The following DNAH8 variants were observed in gnomAD, a reference collection of about 807,000 sequenced individuals.
DNAH8 encodes axonemal beta dynein heavy chain 8.
A neutral mutation model predicts 562.1 loss-of-function variants in DNAH8; 382 were observed. That is an observed-to-expected ratio of 0.68 (90% CI 0.63 to 0.74). The LOEUF (loss-of-function observed/expected upper bound fraction) is 0.74. Ranked by LOEUF, DNAH8 falls within the 30% of genes least tolerant of loss-of-function variation. The pLI is 0.00. For missense variants in DNAH8, 5,203 were observed against 5,620.4 expected (o/e 0.93, Z 2.37); for synonymous variants, 1,881 against 1,919.4 (o/e 0.98, Z 0.52).
At chr6:38,804,953 T>C (rs961736944) in intron 22 of DNAH8, among the ~76,000 whole-genome samples, 3 of 151,816 alleles carry the variant, frequency 2.0e-5, no homozygotes, top group African/African-American at 7.3e-5. Context: ...TACTGGCTTC[T>C]GGTGGATAAG....
In DNAH8 at chr6:38,978,060, T is replaced by C. The variant is rs555186568; in HGVS notation, c.12834+3531T>C. Among the ~76,000 whole-genome samples, 235 of 152,288 alleles carry C rather than the reference T, an allele frequency of 1.5e-3. 2 individuals are homozygous for C. The highest frequency in any genetic ancestry group is 0.014 in the Middle Eastern group (4 of 294). On this transcript the variant is annotated intron_variant, in intron 85 of 92. Coordinates refer to ENST00000327475, the MANE Select transcript of DNAH8 (RefSeq NM_001206927.2). ...TTTACATCCATTTCATAGTCTGGAG[T>C]TTTTCTCCCCATCACCTTGGTTTGT... is the stretch of plus-strand genomic sequence containing the variant.
chr6:39,016,514 G>A (rs1433265356), intron 91 of DNAH8, among the ~76,000 whole-genome samples: 1 of 148,610 alleles, frequency 6.7e-6, no homozygotes, highest in Non-Finnish European at 1.5e-5. Flanking sequence ...TCGCGCCACT[G>A]CATTCCAGCC....
At chr6:38,868,317 G>A (rs906859030) in intron 48 of DNAH8, 121 bp downstream of exon 48, 5 of 971,020 alleles carry the variant, frequency 5.1e-6, no homozygotes, top group South Asian at 3.5e-5. Context: ...GATAATAAGT[G>A]TGCAAAGCTA....
chr6:38,971,536 C>A, intron 82 of DNAH8, 56 bp from the exon 83 acceptor site: 1 of 1,062,656 alleles, frequency 9.4e-7, no homozygotes, highest in Non-Finnish European at 1.3e-6. Context: ...ATTTTTCATT[C>A]TAATCCTGCT....
chr6:38,734,383 A>G, intron 4 of DNAH8, 91 bp from the exon 5 acceptor site: 5 of 1,410,548 alleles, frequency 3.5e-6, no homozygotes, highest in Non-Finnish European at 3.7e-6. Context: ...CAATAAAGTA[A>G]AACAGGAAAC....
chr6:38,881,871 C>A (rs1344977937), intron 53 of DNAH8, among the ~76,000 whole-genome samples: 1 of 152,094 alleles, frequency 6.6e-6, no homozygotes, highest in Non-Finnish European at 1.5e-5. Flanking sequence ...TTTCTTATGG[C>A]AAATACTCTA....
At position 38,722,975 on chromosome 6, in the gene DNAH8, T is replaced by C. The variant is rs766238623; in HGVS notation, c.166T>C (p.Ser56Pro). 1.2e-5 allele frequency: 20 copies of C among 1,612,764 alleles called. No individual in the cohort carries two copies. Among genetic ancestry groups the C allele is most frequent in the Non-Finnish European group, 1.6e-5 (19 of 1,179,902 alleles). The change falls in exon 2 of 93, where the codon TCT (serine) becomes CCT (proline). Residue 56 changes from serine to proline, a missense_variant. By Grantham distance (74) the Ser-to-Pro change is moderately conservative (BLOSUM62 -1). Coordinates refer to ENST00000327475, the MANE Select transcript of DNAH8 (RefSeq NM_001206927.2). ...CTCTCCTTCCGCAGAAGATGCTGTTTCTTCTGTGGTGGATTATCGGGATCT... is the reference window on the plus strand; with the variant it reads ...CTCTCCTTCCGCAGAAGATGCTGTTCCTTCTGTGGTGGATTATCGGGATCT... Reference protein sequence around the residue: ...GFSPSAEDAVSSVVDYRDLIP... With the variant: ...GFSPSAEDAVPSVVDYRDLIP...
chr6:38,780,166 A>G, intron 15 of DNAH8, 101 bp downstream of exon 15: 1 of 1,137,364 alleles, frequency 8.8e-7, no homozygotes, highest in Non-Finnish European at 1.3e-6. Context: ...TTTCAGAGTG[A>G]TTCTTTCTCT....
In DNAH8 at chr6:38,803,281, A is replaced by C; in HGVS notation, c.3004A>C (p.Lys1002Gln). 1 of 1,604,696 alleles carries C rather than the reference A, an allele frequency of 6.2e-7. No homozygotes were observed. Among genetic ancestry groups the C allele is most frequent in the Non-Finnish European group, 8.5e-7 (1 of 1,175,190 alleles). The change falls in exon 22 of 93, where the codon AAA becomes CAA. Residue 1002 changes from lysine (K) to glutamine (Q), a missense_variant. Coordinates refer to ENST00000327475, the MANE Select transcript of DNAH8 (RefSeq NM_001206927.2). ...AATATTTGAGCAGATTTATGAAGTG[A>C]AATACACTGGGAAAGTAGGAAAACA... The part of the protein sequence containing the change: ...ISIFEQIYEV[K>Q]YTGKVGKQSE...
chr6:38,904,063 C>A (rs1780265913), intron 62 of DNAH8, among the ~76,000 whole-genome samples: 1 of 152,104 alleles, frequency 6.6e-6, no homozygotes, highest in Non-Finnish European at 1.5e-5. Flanking sequence ...TGAGAATGGG[C>A]CACTGTAATC....
Position 38,974,537 on chromosome 6 carries a change from C to T in DNAH8, c.12834+8C>T, listed in dbSNP as rs768834028. On this transcript the variant is annotated splice_region_variant and intron_variant, in intron 85 of 92. Transcript: ENST00000327475. ...TTACACTCCACTGTGCAGGTAACTG[C>T]AGAAAGCAGTTTTCACATTTAGGAG... The T allele has an allele frequency of 9.9e-6, 16 of 1,610,416 alleles. No homozygotes were observed. Among genetic ancestry groups the T allele is most frequent in the Middle Eastern group, 1.6e-4 (1 of 6,062 alleles).
intron 56 of DNAH8, among the ~76,000 whole-genome samples, chr6:38,886,538 A>C (rs1020103733): frequency 1.3e-5 from 2 of 152,294 alleles, no homozygotes; most frequent in East Asian, 3.9e-4. Flanking sequence ...CACATATCTA[A>C]ATTTATTTGG....
At chr6:38,738,590 C>G (rs1317381038) in intron 7 of DNAH8, among the ~76,000 whole-genome samples, 1 of 152,186 alleles carries the variant, frequency 6.6e-6, no homozygotes. Context: ...AACCGCCCCC[C>G]AGATCTCTAG....
intron 8 of DNAH8, among the ~76,000 whole-genome samples, chr6:38,744,877 C>T (rs1023023449): frequency 6.6e-6 from 1 of 152,160 alleles, no homozygotes; most frequent in African/African-American, 2.4e-5. Flanking sequence ...GGATTACAGA[C>T]GTGAGCCACT....
intron 13 of DNAH8, among the ~76,000 whole-genome samples, chr6:38,777,147 T>C (rs1351484033): frequency 6.6e-6 from 1 of 152,188 alleles, no homozygotes; most frequent in Non-Finnish European, 1.5e-5. Context: ...AAACTTAGAC[T>C]CTTTGATATG....
At chr6:38,740,264 T>G (rs1349106515) in intron 7 of DNAH8, among the ~76,000 whole-genome samples, 2 of 152,216 alleles carry the variant, frequency 1.3e-5, no homozygotes, top group African/African-American at 4.8e-5. Flanking sequence ...TGATTAGAAT[T>G]TCATTGAATG....
chr6:38,734,335 C>CAA lies in DNAH8; in HGVS notation c.611-133_611-132dup, dbSNP rs1554195353. On this transcript the variant is annotated intron_variant, in intron 4 of 92. Transcript: ENST00000327475. ...TGGCATCTTCTAGTAGACCCCCCCC[C>CAA]AAAAAAATTATTCTATGACCGTATT... 1.1e-3 allele frequency: 589 copies of CAA among 558,718 alleles called. 32 individuals are homozygous for CAA. The highest frequency in any genetic ancestry group is 1.2e-3 in the Non-Finnish European group (465 of 379,554). The allele number at this position is 558,718 out of a possible 1,614,324, so 34.6% of individuals were successfully genotyped here.
Position 38,738,812 on chromosome 6 carries a change from G to T in DNAH8, c.1116+840G>T, listed in dbSNP as rs562523652. 1.8e-4 allele frequency among the ~76,000 whole-genome samples: 27 copies of T among 152,254 alleles called. No homozygotes were observed. The South Asian group carries it at 3.3e-3, about 19-fold the overall frequency. ...GTGCTGGCCACAGCATTTGCTTCCA[G>T]GTGTCACTAGATTATTGAAATGGGT... On this transcript the variant is annotated intron_variant, in intron 7 of 92. Transcript: ENST00000327475.
chr6:38,794,912 C>G (rs2127662877), intron 21 of DNAH8, among the ~76,000 whole-genome samples: 1 of 152,046 alleles, frequency 6.6e-6, no homozygotes, highest in Non-Finnish European at 1.5e-5. Context: ...GATATATACC[C>G]CAAAGGGAAA....
Sources: gnomAD v4.1 joint callset for allele counts (sites outside exome capture counted in the v4.1 genomes callset) on GRCh38, gnomAD v4.1.1 for gene constraint, MANE v1.5 for transcripts, NCBI Gene and HGNC (gene_info 2026-07-23, HGNC 2026-07-21) for gene names.